The following P2RX3 variants were observed in gnomAD, a reference collection of about 807,000 sequenced individuals.
P2RX3 encodes P2X purinoceptor 3.
In P2RX3, 41 loss-of-function variants were observed where a neutral mutation model predicts 51.5. The ratio of observed to expected loss-of-function variants is 0.80; its 90% CI spans 0.62 to 1.03. The LOEUF is 1.03. Ranked by LOEUF, P2RX3 falls within the 50% of genes least tolerant of loss-of-function variation. The pLI, the probability that P2RX3 is intolerant of heterozygous loss-of-function variation, is 0.00. For missense variants in P2RX3, 459 were observed against 522.1 expected (o/e 0.88, Z 1.18); for synonymous variants, 185 against 191.6 (o/e 0.97, Z 0.29).
intron 1 of P2RX3, among the ~76,000 whole-genome samples, chr11:57,345,278 A>G (rs1276740215): frequency 4.6e-5 from 7 of 152,150 alleles, no homozygotes; most frequent in African/African-American, 1.7e-4. Context: ...GAAGCAGAAA[A>G]TGCCCTCACC....
chr11:57,359,892 G>C (rs1241830945), intron 8 of P2RX3, among the ~76,000 whole-genome samples: 3 of 152,202 alleles, frequency 2.0e-5, no homozygotes, highest in African/African-American at 7.2e-5. Context: ...AGAAAGCTGT[G>C]TGCTAGGTAC....
At chr11:57,348,445 C>T (rs879272559) in intron 5 of P2RX3, 182 bp downstream of exon 5, 7 of 706,890 alleles carry the variant, frequency 9.9e-6, no homozygotes, top group Non-Finnish European at 7.0e-6. Flanking sequence ...CCACCTGCCT[C>T]CTCCTCCTGC....
At chr11:57,348,370 C>T in intron 5 of P2RX3, 107 bp downstream of exon 5, 2 of 1,088,152 alleles carry the variant, frequency 1.8e-6, no homozygotes, top group East Asian at 2.6e-5. Flanking sequence ...TGGCTTTCTC[C>T]AGTGTTGTCC....
intron 1 of P2RX3, among the ~76,000 whole-genome samples, chr11:57,345,706 G>A (rs527626876): frequency 8.5e-5 from 13 of 152,254 alleles, no homozygotes; most frequent in East Asian, 3.9e-4. Context: ...CCTTTTGCTC[G>A]AGGCCAGGAA....
intron 8 of P2RX3, among the ~76,000 whole-genome samples, chr11:57,353,389 G>A (rs1355463947): frequency 6.6e-6 from 1 of 152,206 alleles, no homozygotes; most frequent in African/African-American, 2.4e-5. Context: ...GAGTCTCACT[G>A]TTAAATAACA....
In P2RX3 at chr11:57,347,107, C is replaced by T. The variant is rs1438722668; in HGVS notation, c.256-9C>T. The T allele has an allele frequency of 1.9e-6, 3 of 1,612,976 alleles. No homozygotes were observed. Among genetic ancestry groups the T allele is most frequent in the Non-Finnish European group, 2.5e-6 (3 of 1,179,368 alleles). On this transcript the variant is annotated splice_polypyrimidine_tract_variant and intron_variant, in intron 2 of 11. Coordinates refer to ENST00000263314, the MANE Select transcript of P2RX3 (RefSeq NM_002559.5). ...TGGATGTTTTTCTCTCCCTTCTTCT[C>T]CTCCCAAGGGCACCTCGGTCTTTGT...
chr11:57,349,970 T>C, intron 7 of P2RX3, 72 bp downstream of exon 7: 3 of 1,590,418 alleles, frequency 1.9e-6, no homozygotes, highest in Non-Finnish European at 2.6e-6. Flanking sequence ...TCAGGGCCCT[T>C]TGGCCGGCAC....
chr11:57,356,252 C>T (rs928650349), intron 8 of P2RX3, among the ~76,000 whole-genome samples: 9 of 152,206 alleles, frequency 5.9e-5, no homozygotes, highest in African/African-American at 2.2e-4. Context: ...CCATTGCTTC[C>T]AGCATGCCTT....
At chr11:57,342,454 T>G (rs934938968) in intron 1 of P2RX3, among the ~76,000 whole-genome samples, 1 of 152,000 alleles carries the variant, frequency 6.6e-6, no homozygotes, top group African/African-American at 2.4e-5. Context: ...TCACCATGCC[T>G]GGCTGGATGC....
At chr11:57,366,873 T>C (rs1856805353) in intron 8 of P2RX3, among the ~76,000 whole-genome samples, 1 of 152,190 alleles carries the variant, frequency 6.6e-6, no homozygotes, top group Middle Eastern at 3.4e-3. Flanking sequence ...CATTAATCCA[T>C]TAATCCATGA....
At chr11:57,346,482 G>A (rs890038349) in intron 1 of P2RX3, 62 bp from the exon 2 acceptor site, 10 of 1,582,532 alleles carry the variant, frequency 6.3e-6, no homozygotes, top group African/African-American at 2.7e-5. Context: ...ACCTCTCCCA[G>A]CTTCTGTCTG....
chr11:57,348,150 A>G lies in P2RX3; in HGVS notation c.392-20A>G. 6.4e-7 allele frequency: 1 copy of G among 1,551,500 alleles called. No homozygotes were observed. ...AGCAAAGGGCAGGCAGCCACCCAGC[A>G]GCTGTGGCTCTCACTTTAGGGATCC... On this transcript the variant is annotated intron_variant, in intron 4 of 11. Coordinates refer to ENST00000263314, the MANE Select transcript of P2RX3 (RefSeq NM_002559.5).
Position 57,338,676 on chromosome 11 carries a change from C to T in P2RX3, c.119+7C>T. The T allele has an allele frequency of 6.4e-7, 1 of 1,563,220 alleles. No homozygotes were observed. ...TCATCTCCTACTTTGTAGGGTGAGT[C>T]TGTGGCCTTTCAGGTTCCTGGCGGG... On this transcript the variant is annotated splice_region_variant and intron_variant, in intron 1 of 11. Coordinates refer to ENST00000263314, the MANE Select transcript of P2RX3 (RefSeq NM_002559.5).
At chr11:57,346,353 G>A (rs562831957) in intron 1 of P2RX3, among the ~76,000 whole-genome samples, 191 bp from the exon 2 acceptor site, 1 of 152,310 alleles carries the variant, frequency 6.6e-6, no homozygotes, top group South Asian at 2.1e-4. Context: ...GGCAGTAATG[G>A]GACAAAAGGT....
intron 8 of P2RX3, among the ~76,000 whole-genome samples, chr11:57,363,290 G>T (rs1471914404): frequency 6.6e-6 from 1 of 152,230 alleles, no homozygotes; most frequent in East Asian, 1.9e-4. Flanking sequence ...AATTCTGAGA[G>T]TTTGCAACAG....
chr11:57,349,943 CA>C, intron 7 of P2RX3, 45 bp downstream of exon 7: 1 of 1,609,344 alleles, frequency 6.2e-7, no homozygotes, highest in South Asian at 1.1e-5. Context: ...TCCCCACCTT[CA>C]GCCCTTTCCC....
chr11:57,368,337 C>G (rs751980682), intron 9 of P2RX3, 35 bp from the exon 10 acceptor site: 1 of 1,611,476 alleles, frequency 6.2e-7, no homozygotes, highest in South Asian at 1.1e-5. Context: ...TCCCATGGGC[C>G]CTCTGCCCAC....
intron 8 of P2RX3, among the ~76,000 whole-genome samples, chr11:57,366,388 A>G (rs1264519925): frequency 6.6e-6 from 1 of 152,134 alleles, no homozygotes; most frequent in African/African-American, 2.4e-5. Context: ...TGTGGTGAGA[A>G]TGAAATGGGA....
At chr11:57,358,915 C>T (rs1856672730) in intron 8 of P2RX3, among the ~76,000 whole-genome samples, 2 of 152,208 alleles carry the variant, frequency 1.3e-5, no homozygotes, top group Non-Finnish European at 1.5e-5. Context: ...ACACGCACAA[C>T]ATCCCAGCAC....
Sources: gnomAD v4.1 joint callset for allele counts (sites outside exome capture counted in the v4.1 genomes callset) on GRCh38, gnomAD v4.1.1 for gene constraint, MANE v1.5 for transcripts, NCBI Gene and HGNC (gene_info 2026-07-23, HGNC 2026-07-21) for gene names.